SLC2A7: variants seen among roughly 807,000 people sequenced by gnomAD.
SLC2A7 encodes solute carrier family 2, facilitated glucose transporter member 7.
In SLC2A7, 50 loss-of-function variants were observed where a neutral mutation model predicts 50.5. That is an observed-to-expected ratio of 0.99 (90% CI 0.79 to 1.25). The LOEUF is 1.25. Among genes scored for constraint, SLC2A7 ranks in the 50% most tolerant of loss-of-function variants. The probability of loss-of-function intolerance (pLI) is 0.00; values close to 1 mark genes in which losing one functional copy is unlikely to be tolerated. For synonymous variants in SLC2A7, 308 were observed against 300.4 expected, an observed-to-expected ratio of 1.03 and a Z score of -0.26; for missense variants, 683 against 679.1, an observed-to-expected ratio of 1.01 and a Z score of -0.06.
Position 9,004,885 on chromosome 1 carries a change from G to A in SLC2A7, c.1193-6C>T. ...CACCACCGAGGGGACAGGACCTGGAGGGCAGAGCAGGATGGGTGGGGCGGA... is the reference window on the plus strand; with the variant it reads ...CACCACCGAGGGGACAGGACCTGGAAGGCAGAGCAGGATGGGTGGGGCGGA... On this transcript the variant is annotated splice_polypyrimidine_tract_variant and splice_region_variant and intron_variant, in intron 10 of 11. Transcript: ENST00000400906. 6.2e-7 allele frequency: 1 copy of A among 1,613,026 alleles called. No individual in the cohort carries two copies.
chr1:9,000,534 G>T (rs1489595242), downstream of SLC2A7, among the ~76,000 whole-genome samples: 1 of 151,244 alleles, frequency 6.6e-6, no homozygotes, highest in Non-Finnish European at 1.5e-5. Flanking sequence ...CAGCTGAATC[G>T]CTTGAATCTG....
At chr1:9,018,473 CTG>C (rs1640864981) in intron 4 of SLC2A7, 98 bp from the exon 5 acceptor site, 3 of 1,495,976 alleles carry the variant, frequency 2.0e-6, no homozygotes, top group African/African-American at 2.8e-5. Context: ...CTTCTCCATG[CTG>C]TCAGCCCCTC....
At chr1:9,002,315 C>T (rs1436928548), downstream of SLC2A7, among the ~76,000 whole-genome samples, 2 of 152,090 alleles carry the variant, frequency 1.3e-5, no homozygotes, top group African/African-American at 4.8e-5. Context: ...AGGCATCTGT[C>T]TCCTGCTCGT....
At chr1:9,018,098 C>T in intron 5 of SLC2A7, 125 bp downstream of exon 5, 3 of 1,337,438 alleles carry the variant, frequency 2.2e-6, no homozygotes, top group South Asian at 1.5e-5. Flanking sequence ...CCTTTGCCCA[C>T]CACACTGCCC....
Position 9,022,923 on chromosome 1 carries a change from G to A in SLC2A7, c.306C>T (p.Cys102=), listed in dbSNP as rs150171848. ...GCAGTGCACCTTCTGTTTACCTGCC[G>A]CAGCTATCAACCAGCAGGCCCACGA... is the stretch of plus-strand genomic sequence containing the variant. ...SLLVGLLVDS[C]GRKGTLLINN... The change falls in exon 3 of 12, where the codon TGC becomes TGT. Residue 102 remains cysteine (C), a synonymous_variant. Transcript: ENST00000400906. 2.4e-4 allele frequency: 393 copies of A among 1,613,752 alleles called. No individual in the cohort carries two copies. In the African/African-American group the frequency reaches 4.0e-3, roughly 16 times the overall value.
In SLC2A7 at chr1:9,010,162, G is replaced by A; in HGVS notation, c.1097C>T (p.Thr366Met). ...TCAGACCTGGAATAGGAGCACCACC[G>A]TCAGCACCAGGCAGGCAGAGCCGCA... ...GICGSACLVL[T>M]VVLLFQNRVP... The change falls in exon 9 of 12, where the codon ACG (threonine) becomes ATG (methionine). Residue 366 changes from threonine (T) to methionine (M), a missense_variant. By Grantham distance (81) the Thr-to-Met change is moderately conservative. Transcript: ENST00000400906. The A allele has an allele frequency of 3.3e-6, 5 of 1,537,044 alleles. No homozygotes were observed. Among genetic ancestry groups the A allele is most frequent in the South Asian group, 1.2e-5 (1 of 83,950 alleles).
chr1:8,999,352 T>C (rs1640546190), downstream of SLC2A7, among the ~76,000 whole-genome samples: 1 of 152,132 alleles, frequency 6.6e-6, no homozygotes, highest in African/African-American at 2.4e-5. Context: ...TTCAAGGAGT[T>C]CGTCCATTTC....
Position 9,003,405 on chromosome 1 carries a change from G to A in SLC2A7, c.1434C>T (p.Asn478=), listed in dbSNP as rs1241220692. The change falls in exon 12 of 12, where the codon AAC becomes AAT. Residue 478 remains asparagine, a synonymous_variant. Coordinates refer to ENST00000400906, the MANE Select transcript of SLC2A7 (RefSeq NM_207420.3). ...CCCTGTTTCTCTTGGCAAAAATGCG[G>A]TTTATCTCCACAAATGTTTTGCCCT... ...ETKGKTFVEI[N]RIFAKRNRVK... The A allele has an allele frequency of 1.2e-6, 2 of 1,614,184 alleles. No homozygotes were observed. The highest frequency in any genetic ancestry group is 1.1e-5 in the South Asian group (1 of 91,084).
Position 9,026,393 on chromosome 1 carries a change from C to A in SLC2A7, c.-48G>T. On this transcript the variant is annotated 5_prime_UTR_variant, in exon 1 of 12. The change creates a new upstream start codon in the 5' untranslated region. Transcript: ENST00000400906. ...GTGTGCTCTACCTCCCAAGTGACAC[C>A]TGCTCTGCGCCAGCCACCTAAAGAC... 1 of 1,539,624 alleles carries A rather than the reference C, an allele frequency of 6.5e-7. No homozygotes were observed. The highest frequency in any genetic ancestry group is 1.2e-5 in the South Asian group (1 of 82,342).
At chr1:8,994,994 C>T in the SLC2A7 span, among the ~76,000 whole-genome samples, 1 of 151,594 alleles carries the variant, frequency 6.6e-6, no homozygotes, top group Non-Finnish European at 1.5e-5. Flanking sequence ...TGGTCTCGAA[C>T]TCCTGACCTC....
chr1:8,998,558 G>A (rs1255539202), downstream of SLC2A7, among the ~76,000 whole-genome samples: 2 of 152,160 alleles, frequency 1.3e-5, no homozygotes, highest in Admixed American at 6.6e-5. Context: ...TTGAGGTCAA[G>A]TTAATATTAT....
chr1:8,997,271 A>G, the SLC2A7 span, among the ~76,000 whole-genome samples: 1 of 152,062 alleles, frequency 6.6e-6, no homozygotes. Context: ...GTGTCACTGC[A>G]CTCCAGACTG....
chr1:9,011,448 G>A (rs1447086024), intron 8 of SLC2A7, among the ~76,000 whole-genome samples: 4 of 152,304 alleles, frequency 2.6e-5, no homozygotes, highest in South Asian at 4.1e-4. Flanking sequence ...GAGCTCAGGA[G>A]TTCGAAACCA....
At chr1:9,002,855 G>A (rs974152821), downstream of SLC2A7, among the ~76,000 whole-genome samples, 2 of 152,210 alleles carry the variant, frequency 1.3e-5, no homozygotes, top group African/African-American at 4.8e-5. Flanking sequence ...TGGGATTCAC[G>A]GTGCAACCTG....
chr1:9,009,454 T>A (rs1435451362), intron 9 of SLC2A7, among the ~76,000 whole-genome samples: 1 of 151,992 alleles, frequency 6.6e-6, no homozygotes, highest in Non-Finnish European at 1.5e-5. Context: ...TGATTCGTAG[T>A]TTTGTTTTGT....
intron 2 of SLC2A7, among the ~76,000 whole-genome samples, chr1:9,023,382 C>A (rs1392099955): frequency 6.6e-6 from 1 of 151,898 alleles, no homozygotes; most frequent in Admixed American, 6.6e-5. Flanking sequence ...TTGAGGCGGG[C>A]AGATCATGAA....
rs1640688083 is a variant in SLC2A7 at position 9,008,294 on chromosome 1, G to C, written c.1117-909C>G. On this transcript the variant is annotated intron_variant, in intron 9 of 11. Coordinates refer to ENST00000400906, the MANE Select transcript of SLC2A7 (RefSeq NM_207420.3). This position sits in a 1 kb window ranked among gnomAD's most constrained non-coding sequence, Gnocchi z 5.9. ...GGGAGGCACTGGGAGCTTCCAAGCA[G>C]AGAAGCAACAAGATCTGATTCATTT... 6.6e-6 allele frequency among the ~76,000 whole-genome samples: 1 copy of C among 152,170 alleles called. No individual in the cohort carries two copies. Among genetic ancestry groups the C allele is most frequent in the Non-Finnish European group, 1.5e-5 (1 of 68,030 alleles).
In SLC2A7 at chr1:9,014,684, AT is replaced by A; in HGVS notation, c.899del (p.Asn300MetfsTer24). On this transcript the variant is annotated frameshift_variant, in exon 7 of 12. Coordinates refer to ENST00000400906, the MANE Select transcript of SLC2A7 (RefSeq NM_207420.3). LOFTEE classifies it high-confidence loss of function. ...LMAGQQLSGINAINYYADTIY... is the reference protein window; with the variant it reads ...LMAGQQLSGIXAINYYADTIY... The stretch of plus-strand genomic sequence containing the variant: ...GCCTGGCCACCGTCCCACATACCGC[AT>A]TGATGCCCGACAGCTGCTGGCCGGC... The A allele has an allele frequency of 6.4e-7, 1 of 1,555,358 alleles. No homozygotes were observed. Among genetic ancestry groups the A allele is most frequent in the Non-Finnish European group, 8.7e-7 (1 of 1,149,296 alleles).
intron 5 of SLC2A7, among the ~76,000 whole-genome samples, chr1:9,015,858 G>A (rs1003870865): frequency 1.3e-5 from 2 of 151,620 alleles, no homozygotes; most frequent in Non-Finnish European, 2.9e-5. Flanking sequence ...TGAGTGGCTG[G>A]AACTACACGC....
Sources: gnomAD v4.1 joint callset for allele counts (sites outside exome capture counted in the v4.1 genomes callset) on GRCh38, gnomAD v4.1.1 for gene constraint, Gnocchi (gnomAD v3.1) non-coding constraint, MANE v1.5 for transcripts, NCBI Gene and HGNC (gene_info 2026-07-23, HGNC 2026-07-21) for gene names.